The following CNTNAP2 variants were observed in gnomAD, a reference collection of about 807,000 sequenced individuals.
CNTNAP2 encodes the protein contactin associated protein 2, also known as contactin-associated protein-like 2.
CNTNAP2 carries 98 observed loss-of-function variants against 155.2 expected under a neutral mutation model. The observed-to-expected ratio is 0.63, with a 90% CI of 0.54 to 0.75. The LOEUF (loss-of-function observed/expected upper bound fraction) is 0.75. Among genes scored for constraint, CNTNAP2 ranks in the 30% least tolerant of loss-of-function variants. CNTNAP2 has a pLI of 0.00. For synonymous variants in CNTNAP2, 651 were observed against 631.2 expected, an observed-to-expected ratio of 1.03 and a Z score of -0.47; for missense variants, 1,727 against 1,688.1, an observed-to-expected ratio of 1.02 and a Z score of -0.40.
At chr7:147,678,448 G>C (rs1044305150) in intron 13 of CNTNAP2, among the ~76,000 whole-genome samples, 2 of 151,842 alleles carry the variant, frequency 1.3e-5, no homozygotes, top group African/African-American at 4.8e-5. Flanking sequence ...TTTCCCAGTT[G>C]ATTATTTGCT....
chr7:146,321,151 A>G (rs1045750596), intron 1 of CNTNAP2, among the ~76,000 whole-genome samples: 9 of 152,258 alleles, frequency 5.9e-5, no homozygotes, highest in African/African-American at 1.4e-4. Context: ...GCTTATTAGG[A>G]AAACAGTGGG....
intron 13 of CNTNAP2, among the ~76,000 whole-genome samples, chr7:147,903,004 C>T (rs1799898723): frequency 6.8e-6 from 1 of 146,648 alleles, no homozygotes; most frequent in Non-Finnish European, 1.5e-5. Flanking sequence ...TGTGGGACTG[C>T]TGGATCAAGT....
At chr7:147,105,038 A>G (rs983305968) in intron 4 of CNTNAP2, among the ~76,000 whole-genome samples, 1 of 150,708 alleles carries the variant, frequency 6.6e-6, no homozygotes, top group Non-Finnish European at 1.5e-5. Flanking sequence ...TTCACTCTCT[A>G]CTTTCTATAT....
At chr7:147,811,592 G>A (rs926834147) in intron 13 of CNTNAP2, among the ~76,000 whole-genome samples, 10 of 152,022 alleles carry the variant, frequency 6.6e-5, no homozygotes, top group South Asian at 2.1e-4. Context: ...TTAAATAATC[G>A]TTACTGTATT....
chr7:147,960,770 C>T (rs1241483580), intron 14 of CNTNAP2, among the ~76,000 whole-genome samples: 1 of 151,986 alleles, frequency 6.6e-6, no homozygotes, highest in Non-Finnish European at 1.5e-5. Flanking sequence ...GATGCTGTAT[C>T]TAATTACCTA....
At chr7:146,227,450 GAAAA>G (rs1222124868) in intron 1 of CNTNAP2, among the ~76,000 whole-genome samples, 1 of 131,370 alleles carries the variant, frequency 7.6e-6, no homozygotes, top group Non-Finnish European at 1.6e-5. Flanking sequence ...AAAAAAAAAA[GAAAA>G]AGAAAAAAAT....
At chr7:147,583,056 T>C (rs551015219) in intron 12 of CNTNAP2, among the ~76,000 whole-genome samples, 1 of 152,258 alleles carries the variant, frequency 6.6e-6, no homozygotes, top group East Asian at 1.9e-4. Flanking sequence ...CATAATATTA[T>C]TATTGTTCAG....
At chr7:147,039,283 G>A (rs549277053) in intron 3 of CNTNAP2, among the ~76,000 whole-genome samples, 1 of 152,140 alleles carries the variant, frequency 6.6e-6, no homozygotes, top group South Asian at 2.1e-4. Context: ...ATGTGACAGG[G>A]GTTTGTTGTA....
At chr7:148,339,500 G>A (rs1240484406) in intron 21 of CNTNAP2, 1 of 152,146 alleles carries the variant, frequency 6.6e-6, no homozygotes, top group African/African-American at 2.4e-5. Flanking sequence ...TGGACTCAAA[G>A]CTGCCCGCCG....
chr7:146,834,656 G>A (rs1352825614), intron 2 of CNTNAP2, among the ~76,000 whole-genome samples: 1 of 152,138 alleles, frequency 6.6e-6, no homozygotes, highest in Admixed American at 6.5e-5. Context: ...CTAGTTATTT[G>A]CTAGATGTTT....
intron 13 of CNTNAP2, among the ~76,000 whole-genome samples, chr7:147,668,961 T>C (rs1795743293): frequency 7.0e-6 from 1 of 143,372 alleles, no homozygotes; most frequent in South Asian, 2.1e-4. Context: ...AGGTGTGCTT[T>C]TTTTTTATCT....
chr7:147,971,873 T>A (rs1029754284), intron 14 of CNTNAP2, among the ~76,000 whole-genome samples: 1 of 152,182 alleles, frequency 6.6e-6, no homozygotes, highest in Admixed American at 6.5e-5. Flanking sequence ...ACTGCCAAAC[T>A]GTTTTCAAAA....
At chr7:147,044,167 C>A in intron 4 of CNTNAP2, 113 bp downstream of exon 4, 1 of 1,150,984 alleles carries the variant, frequency 8.7e-7, no homozygotes, top group Non-Finnish European at 1.3e-6. Flanking sequence ...AAACTACCTT[C>A]TCATTTACAT....
chr7:147,257,342 C>T lies in CNTNAP2; in HGVS notation c.1349-42799C>T, dbSNP rs115400594. On this transcript the variant is annotated intron_variant, in intron 8 of 23. Coordinates refer to ENST00000361727, the MANE Select transcript of CNTNAP2 (RefSeq NM_014141.6). ...GCAAGTCTGCCAAGCAGGGCAACATCGAGTAATTCCTTTCAAAGGGAATCC... is the reference window on the plus strand; with the variant it reads ...GCAAGTCTGCCAAGCAGGGCAACATTGAGTAATTCCTTTCAAAGGGAATCC... Among the ~76,000 whole-genome samples, 603 of 152,266 alleles carry T rather than the reference C, an allele frequency of 4.0e-3. 4 individuals are homozygous for T. The highest frequency in any genetic ancestry group is 0.013 in the African/African-American group (550 of 41,560).
At chr7:146,540,364 A>G (rs116723694) in intron 1 of CNTNAP2, among the ~76,000 whole-genome samples, 3,201 of 152,100 alleles carry the variant, frequency 0.021, 115 homozygotes, top group African/African-American at 0.072. Context: ...AACTTCCCAG[A>G]TAAGGGAGAT....
intron 15 of CNTNAP2, among the ~76,000 whole-genome samples, chr7:148,048,063 A>G (rs980822447): frequency 2.0e-5 from 3 of 151,464 alleles, no homozygotes; most frequent in African/African-American, 7.3e-5. Context: ...AGCTGGGACT[A>G]CAGGTGCCTG....
At chr7:146,992,442 A>G (rs1798225345) in intron 3 of CNTNAP2, among the ~76,000 whole-genome samples, 1 of 152,170 alleles carries the variant, frequency 6.6e-6, no homozygotes, top group African/African-American at 2.4e-5. Flanking sequence ...GAAGGGTGAG[A>G]ATGGCAGGGT....
chr7:148,215,476 A>AT (rs748167420), intron 18 of CNTNAP2, among the ~76,000 whole-genome samples: 15 of 144,322 alleles, frequency 1.0e-4, no homozygotes, highest in Non-Finnish European at 2.0e-4. Context: ...TCAGGCATTT[A>AT]TTCATGGCCT....
At chr7:147,879,381 G>C (rs763506737) in intron 13 of CNTNAP2, among the ~76,000 whole-genome samples, 3 of 152,176 alleles carry the variant, frequency 2.0e-5, no homozygotes, top group Non-Finnish European at 4.4e-5. Context: ...TATTTGCTCT[G>C]ACTCTGCCAG....
Sources: gnomAD v4.1 joint callset for allele counts (sites outside exome capture counted in the v4.1 genomes callset) on GRCh38, gnomAD v4.1.1 for gene constraint, MANE v1.5 for transcripts, NCBI Gene and HGNC (gene_info 2026-07-23, HGNC 2026-07-21) for gene names.